Variants in SYNJ1 observed in about 807,000 individuals in gnomAD.
SYNJ1 encodes polyphosphatidylinositol phosphatase SYNJ1.
SYNJ1 carries 78 observed loss-of-function variants against 168.2 expected under a neutral mutation model. The ratio of observed to expected loss-of-function variants is 0.46; its 90% CI spans 0.39 to 0.56. SYNJ1 has a LOEUF of 0.56. Among genes scored for constraint, SYNJ1 ranks in the 20% least tolerant of loss-of-function variants. SYNJ1 has a pLI of 0.00. For synonymous variants in SYNJ1, 539 were observed against 548.6 expected (o/e 0.98, Z 0.24); for missense variants, 1,303 against 1,597.6 (o/e 0.82, Z 3.14).
At chr21:32,704,634 C>A (rs1239780068) in intron 2 of SYNJ1, among the ~76,000 whole-genome samples, 1 of 152,060 alleles carries the variant, frequency 6.6e-6, no homozygotes, top group Non-Finnish European at 1.5e-5. Flanking sequence ...TAGGGGCACC[C>A]CGGCATGGTA....
At chr21:32,726,723 C>G in intron 2 of SYNJ1, 49 bp downstream of exon 2, 3 of 1,600,482 alleles carry the variant, frequency 1.9e-6, no homozygotes, top group Non-Finnish European at 2.6e-6. Context: ...TGAATTGTTT[C>G]AAATCAAAAC....
chr21:32,727,681 C>T (rs1043611298), intron 1 of SYNJ1, among the ~76,000 whole-genome samples: 4 of 152,160 alleles, frequency 2.6e-5, no homozygotes, highest in Admixed American at 2.6e-4. Context: ...AGAAGAGATA[C>T]CCCGGCGCCC....
In SYNJ1 at chr21:32,631,052, A is replaced by G. The variant is rs2145654435; in HGVS notation, c.*753T>C. The G allele has an allele frequency of 6.2e-7, 1 of 1,614,152 alleles. No homozygotes were observed. Among genetic ancestry groups the G allele is most frequent in the Non-Finnish European group, 8.5e-7 (1 of 1,180,020 alleles). The stretch of plus-strand genomic sequence containing the variant: ...CCTTAGAGGCCAAGGTCGTGAAAGG[A>G]TCTACTGGAGGGCTGGTGCCGGGCG... On this transcript the variant is annotated 3_prime_UTR_variant, in exon 33 of 33. Transcript: ENST00000674351.
chr21:32,695,455 G>A (rs992246404), intron 4 of SYNJ1, among the ~76,000 whole-genome samples, 173 bp from the exon 5 acceptor site: 27 of 151,892 alleles, frequency 1.8e-4, no homozygotes, highest in Admixed American at 5.2e-4. Context: ...GCTATAAAAC[G>A]AGATCCTTCA....
chr21:32,698,493 A>G (rs1157254098), intron 4 of SYNJ1, among the ~76,000 whole-genome samples: 1 of 152,208 alleles, frequency 6.6e-6, no homozygotes, highest in Non-Finnish European at 1.5e-5. Context: ...AAGAGCAAAG[A>G]GTCCTGAACT....
intron 4 of SYNJ1, among the ~76,000 whole-genome samples, chr21:32,697,619 G>A (rs889995869): frequency 3.3e-5 from 5 of 152,062 alleles, no homozygotes; most frequent in Non-Finnish European, 7.4e-5. Context: ...GGCCAACGTG[G>A]TGAAACCCCA....
intron 18 of SYNJ1, among the ~76,000 whole-genome samples, chr21:32,660,557 T>C (rs2040652306): frequency 6.6e-6 from 1 of 152,252 alleles, no homozygotes; most frequent in Admixed American, 6.5e-5. Flanking sequence ...GAGTTATACA[T>C]GGACGGGAGC....
At chr21:32,713,399 AAC>A (rs2042905514) in intron 2 of SYNJ1, among the ~76,000 whole-genome samples, 1 of 134,604 alleles carries the variant, frequency 7.4e-6, no homozygotes, top group African/African-American at 2.9e-5. Flanking sequence ...CCCATATGTC[AAC>A]ATGGATGATT....
At chr21:32,728,059 G>C, upstream of SYNJ1, 1 of 1,526,234 alleles carries the variant, frequency 6.6e-7, no homozygotes, top group Admixed American at 2.0e-5. Context: ...GGCCGGGGGC[G>C]GAAGATCCGC....
chr21:32,656,073 T>C (rs1021341489), intron 21 of SYNJ1, among the ~76,000 whole-genome samples: 1 of 152,244 alleles, frequency 6.6e-6, no homozygotes, highest in Non-Finnish European at 1.5e-5. Context: ...TGTTCTATTG[T>C]ATAGGAATCG....
At chr21:32,692,977 G>T (rs1437201954) in intron 6 of SYNJ1, among the ~76,000 whole-genome samples, 1 of 152,118 alleles carries the variant, frequency 6.6e-6, no homozygotes, top group Non-Finnish European at 1.5e-5. Context: ...GCTGCAGTGA[G>T]CCATGATTGC....
chr21:32,650,240 G>T lies in SYNJ1; in HGVS notation c.2981C>A (p.Thr994Lys), dbSNP rs776726487. ...ATCTTCACCAAGCAGGGTAGAGCTT[G>T]TTGATGATGGCAATGCAATGCTAAT... ...EKISIALPSS[T>K]SSTLLGEDAE... is the part of the protein sequence containing the mutation. Residue 994 changes from threonine to lysine, a missense_variant, in exon 23 of 33, where the codon ACA becomes AAA. Around this residue, in one of 2 missense-constraint regions of SYNJ1, gnomAD observed 920 missense variants for 1,208.8 expected, o/e 0.76. Transcript: ENST00000674351. 8 of 1,613,824 alleles carry T rather than the reference G, an allele frequency of 5.0e-6. No homozygotes were observed. Among genetic ancestry groups the T allele is most frequent in the Non-Finnish European group, 6.8e-6 (8 of 1,179,970 alleles).
rs543970682 is a variant in SYNJ1, at chr21:32,707,431, C to T, written c.125-5384G>A. Among the ~76,000 whole-genome samples the T allele has an allele frequency of 1.4e-4, 22 of 151,990 alleles. No homozygotes were observed. The South Asian group carries it at 3.1e-3, about 22-fold the overall frequency. ...CCTCCTTCCTGAGTAGCTAGGACTA[C>T]AGGCACTAATACTACAGGACTACTA... On this transcript the variant is annotated intron_variant, in intron 2 of 32. Coordinates refer to ENST00000674351, the MANE Select transcript of SYNJ1 (RefSeq NM_203446.3).
Position 32,697,907 on chromosome 21 carries a change from A to G in SYNJ1, c.479+1931T>C, listed in dbSNP as rs930081263. ...GTTGTATGAAAGCTTTTATCTCTCA[A>G]TCTAAGAAACTTTGGGTAAAAATGA... is the stretch of plus-strand genomic sequence containing the variant. On this transcript the variant is annotated intron_variant, in intron 4 of 32. Transcript: ENST00000674351. Among the ~76,000 whole-genome samples, 4 of 152,322 alleles carry G rather than the reference A, an allele frequency of 2.6e-5. No individual in the cohort carries two copies. In the East Asian group the frequency reaches 7.7e-4, roughly 29 times the overall value.
intron 10 of SYNJ1, among the ~76,000 whole-genome samples, chr21:32,682,854 A>C (rs1204019479): frequency 1.3e-5 from 2 of 152,164 alleles, no homozygotes; most frequent in African/African-American, 4.8e-5. Context: ...TTAAAACTTG[A>C]AACAAATCCA....
rs1377185988 is a variant in SYNJ1, at chr21:32,631,143, C to T, written c.*662G>A. The T allele has an allele frequency of 6.2e-7, 1 of 1,614,162 alleles. No individual in the cohort carries two copies. The highest frequency in any genetic ancestry group is 1.1e-5 in the South Asian group (1 of 91,086). On this transcript the variant is annotated 3_prime_UTR_variant, in exon 33 of 33. Coordinates refer to ENST00000674351, the MANE Select transcript of SYNJ1 (RefSeq NM_203446.3). ...CAACACACAGAAGGAGACATTTGTACCTTTATTCCAGTCATCATTCAATGT... is the reference window on the plus strand; with the variant it reads ...CAACACACAGAAGGAGACATTTGTATCTTTATTCCAGTCATCATTCAATGT...
Position 32,630,737 on chromosome 21 carries a change from T to A in SYNJ1, c.*1068A>T. The A allele has an allele frequency of 3.1e-6, 1 of 318,818 alleles. No homozygotes were observed. The highest frequency in any genetic ancestry group is 5.3e-5 in the East Asian group (1 of 18,750). The allele number at this position is 318,818 out of a possible 1,614,324, so 19.7% of individuals were successfully genotyped here. A position where few individuals can be genotyped will look rare whatever the true frequency, so the allele number is the denominator to read the frequency against. ...TCTGAATAAGGACTGTTTTCTAAAG[T>A]ATAAGTACTTTTTATGGCTACTACT... On this transcript the variant is annotated 3_prime_UTR_variant, in exon 33 of 33. Transcript: ENST00000674351.
At chr21:32,693,636 A>C (rs1209612866) in intron 6 of SYNJ1, among the ~76,000 whole-genome samples, 1 of 152,262 alleles carries the variant, frequency 6.6e-6, no homozygotes, top group African/African-American at 2.4e-5. Context: ...ATTTTGAATA[A>C]AAATAAAATG....
chr21:32,656,715 C>T lies in SYNJ1; in HGVS notation c.2767G>A (p.Ala923Thr). ...ALIDELLQQF[A>T]SFGEVILIRF... ...ATAAGTATAACTTCACCAAAACTTG[C>T]AAACTGCTGCAGAAGCTCATCAATC... The change falls in exon 21 of 33, where the codon GCA (alanine) becomes ACA (threonine). Residue 923 changes from alanine to threonine, a missense_variant. Ala to Thr is a moderately conservative substitution (Grantham distance 58). Around this residue, in one of 2 missense-constraint regions of SYNJ1, gnomAD observed 920 missense variants for 1,208.8 expected, o/e 0.76. Transcript: ENST00000674351. 1 of 1,613,652 alleles carries T rather than the reference C, an allele frequency of 6.2e-7. No individual in the cohort carries two copies. Among genetic ancestry groups the T allele is most frequent in the Non-Finnish European group, 8.5e-7 (1 of 1,179,844 alleles).
Sources: allele counts gnomAD v4.1 joint callset (sites outside exome capture counted in the v4.1 genomes callset), GRCh38; gene constraint gnomAD v4.1.1; regional missense constraint gnomAD v4.1.1; transcripts MANE v1.5; gene names NCBI Gene and HGNC (gene_info 2026-07-23, HGNC 2026-07-21).